The following LINGO2 variants were observed in gnomAD, a reference collection of about 807,000 sequenced individuals.
The protein encoded by LINGO2 is leucine rich repeat and Ig domain containing 2, also known as leucine-rich repeat and immunoglobulin-like domain-containing nogo receptor-interacting protein 2.
Under a neutral mutation model 30.6 loss-of-function variants are expected in LINGO2, and 14 were observed. The observed-to-expected ratio is 0.46, with a 90% CI of 0.30 to 0.72. The LOEUF is 0.72. Ranked by LOEUF, LINGO2 falls within the 30% of genes least tolerant of loss-of-function variation. LINGO2 has a pLI of 0.07. For synonymous variants in LINGO2, 317 were observed against 288.5 expected (o/e 1.10, Z -1.00); for missense variants, 729 against 751.7 (o/e 0.97, Z 0.35).
At chr9:28,776,581 G>C in the LINGO2 span, among the ~76,000 whole-genome samples, 1 of 152,150 alleles carries the variant, frequency 6.6e-6, no homozygotes, top group Admixed American at 6.6e-5. Flanking sequence ...CCATGCTGGA[G>C]CTGTTTCCTT....
the LINGO2 span, among the ~76,000 whole-genome samples, chr9:28,743,179 T>G: frequency 1.3e-5 from 2 of 151,994 alleles, no homozygotes; most frequent in Admixed American, 6.6e-5. Flanking sequence ...ATTATTTTAT[T>G]TATTTATTTA....
At chr9:28,451,982 G>A (rs1420348428) in intron 2 of LINGO2, among the ~76,000 whole-genome samples, 1 of 151,392 alleles carries the variant, frequency 6.6e-6, no homozygotes, top group Non-Finnish European at 1.5e-5. Context: ...ATAGAATATT[G>A]AGCATATGAA....
chr9:28,325,253 T>C (rs1355400257), intron 3 of LINGO2, among the ~76,000 whole-genome samples: 1 of 152,170 alleles, frequency 6.6e-6, no homozygotes, highest in Non-Finnish European at 1.5e-5. Context: ...TCCTCCCCTT[T>C]AAGACATAAA....
chr9:28,568,617 A>G (rs973916396), intron 1 of LINGO2, among the ~76,000 whole-genome samples: 4 of 152,092 alleles, frequency 2.6e-5, no homozygotes, highest in Non-Finnish European at 5.9e-5. Context: ...TGTCACATAT[A>G]AGAAACATGC....
chr9:28,186,599 G>A (rs535373021), intron 4 of LINGO2, among the ~76,000 whole-genome samples: 2 of 152,188 alleles, frequency 1.3e-5, no homozygotes, highest in East Asian at 3.9e-4. Context: ...GAGAGGGGAC[G>A]TGTGGAGTTG....
At chr9:28,905,558 A>G in the LINGO2 span, among the ~76,000 whole-genome samples, 1 of 152,128 alleles carries the variant, frequency 6.6e-6, no homozygotes, top group African/African-American at 2.4e-5. Context: ...ATTACTAATC[A>G]TCTGGGAAAT....
At chr9:28,820,194 T>C in the LINGO2 span, among the ~76,000 whole-genome samples, 5 of 149,738 alleles carry the variant, frequency 3.3e-5, no homozygotes, top group South Asian at 8.4e-4. Flanking sequence ...GAGCATTATA[T>C]GGTACTGGAA....
the LINGO2 span, among the ~76,000 whole-genome samples, chr9:28,851,559 T>C: frequency 3.9e-5 from 6 of 152,054 alleles, 1 homozygote; most frequent in African/African-American, 1.4e-4. Flanking sequence ...AATCCAGGGA[T>C]TAGGACATAA....
chr9:27,998,803 A>G (rs1189226998), intron 5 of LINGO2, among the ~76,000 whole-genome samples: 1 of 152,116 alleles, frequency 6.6e-6, no homozygotes, highest in Admixed American at 6.5e-5. Context: ...AAACAGAACA[A>G]AACAAAACAG....
At chr9:29,045,795 T>G in the LINGO2 span, among the ~76,000 whole-genome samples, 1 of 152,172 alleles carries the variant, frequency 6.6e-6, no homozygotes, top group African/African-American at 2.4e-5. Flanking sequence ...TTTTTCTGTT[T>G]GTTTTTGTTT....
the LINGO2 span, among the ~76,000 whole-genome samples, chr9:28,776,085 G>C: frequency 6.6e-6 from 1 of 152,136 alleles, no homozygotes; most frequent in African/African-American, 2.4e-5. Context: ...ACATGGTTTT[G>C]AGGATCCTGA....
the LINGO2 span, among the ~76,000 whole-genome samples, chr9:29,115,463 T>C: frequency 6.6e-6 from 1 of 152,024 alleles, no homozygotes; most frequent in Admixed American, 6.6e-5. Context: ...ACCACTCAAA[T>C]TTCTGAATTT....
At chr9:28,096,624 C>CAACT (rs58261177) in intron 4 of LINGO2, among the ~76,000 whole-genome samples, 13,252 of 152,108 alleles carry the variant, frequency 0.087, 721 homozygotes, top group East Asian at 0.2. Context: ...CTTACCCACC[C>CAACT]ACCTACCTAC....
At chr9:28,729,815 T>TATA in the LINGO2 span, among the ~76,000 whole-genome samples, 1 of 151,848 alleles carries the variant, frequency 6.6e-6, no homozygotes, top group African/African-American at 2.4e-5. Context: ...AAAAATCAAT[T>TATA]ATATTAATTG....
chr9:28,657,197 A>T (rs1828383607), intron 1 of LINGO2, among the ~76,000 whole-genome samples: 1 of 152,140 alleles, frequency 6.6e-6, no homozygotes, highest in South Asian at 2.1e-4. Context: ...ATATATAACA[A>T]AATTCACCAT....
intron 5 of LINGO2, among the ~76,000 whole-genome samples, chr9:28,002,454 T>C (rs768255400): frequency 7.2e-5 from 11 of 152,200 alleles, no homozygotes; most frequent in Admixed American, 3.3e-4. Context: ...TAAAGGAACT[T>C]ATTCAAAAAA....
chr9:28,578,497 C>A (rs1311849398), intron 1 of LINGO2, among the ~76,000 whole-genome samples: 1 of 151,990 alleles, frequency 6.6e-6, no homozygotes, highest in Non-Finnish European at 1.5e-5. Context: ...TTATTTTATA[C>A]TGTATAATTA....
intron 5 of LINGO2, among the ~76,000 whole-genome samples, chr9:27,977,285 G>T (rs1820645427): frequency 6.6e-6 from 1 of 151,470 alleles, no homozygotes; most frequent in Non-Finnish European, 1.5e-5. Context: ...AAGTATCTGA[G>T]AATTAAACCT....
chr9:28,312,812 C>A (rs1333687049), intron 3 of LINGO2, among the ~76,000 whole-genome samples: 1 of 152,108 alleles, frequency 6.6e-6, no homozygotes, highest in African/African-American at 2.4e-5. Context: ...ACTCTCAACC[C>A]AAAGGAGATT....
Sources: allele counts gnomAD v4.1 joint callset (sites outside exome capture counted in the v4.1 genomes callset), GRCh38; gene constraint gnomAD v4.1.1; transcripts MANE v1.5; gene names NCBI Gene and HGNC (gene_info 2026-07-23, HGNC 2026-07-21).